AGAP1: variants seen among roughly 807,000 people sequenced by gnomAD.
AGAP1 encodes ArfGAP with GTPase domain, ankyrin repeat and PH domain 1.
AGAP1 carries 29 observed loss-of-function variants against 105.3 expected under a neutral mutation model. The observed-to-expected ratio is 0.28, with a 90% CI of 0.21 to 0.38. The LOEUF (loss-of-function observed/expected upper bound fraction) is 0.38, where lower values mean the gene tolerates loss of function less well. AGAP1 is among the 10% of genes least tolerant of loss of function. The pLI, the probability that AGAP1 is intolerant of heterozygous loss-of-function variation, is 1.00. For missense variants in AGAP1, 998 were observed against 1,165.1 expected (o/e 0.86, Z 2.09); for synonymous variants, 509 against 485.9 (o/e 1.05, Z -0.63).
chr2:235,757,978 C>T (rs1954070164), intron 6 of AGAP1, among the ~76,000 whole-genome samples: 2 of 152,214 alleles, frequency 1.3e-5, no homozygotes, highest in Admixed American at 6.5e-5. Context: ...GCTCACACCA[C>T]AGTCCTTGTG....
chr2:235,727,475 C>T (rs901734520), intron 3 of AGAP1, among the ~76,000 whole-genome samples: 1 of 152,194 alleles, frequency 6.6e-6, no homozygotes, highest in Non-Finnish European at 1.5e-5. Context: ...CCAAAGCTAC[C>T]TCTGGTAAGT....
intron 9 of AGAP1, among the ~76,000 whole-genome samples, chr2:235,820,065 A>G (rs1466834312): frequency 6.6e-6 from 1 of 151,902 alleles, no homozygotes; most frequent in Admixed American, 6.6e-5. Flanking sequence ...CACCATGCCC[A>G]GCTAATTTTC....
intron 16 of AGAP1, among the ~76,000 whole-genome samples, chr2:236,112,743 A>G (rs540923978): frequency 6.6e-6 from 1 of 152,214 alleles, no homozygotes; most frequent in Non-Finnish European, 1.5e-5. Flanking sequence ...CCGCTCTCTC[A>G]GTCTGGTCCC....
chr2:235,746,213 G>C (rs1952919922), intron 5 of AGAP1, among the ~76,000 whole-genome samples: 1 of 151,578 alleles, frequency 6.6e-6, no homozygotes, highest in South Asian at 2.1e-4. Context: ...TGAATCTGGG[G>C]AGATGGAGGT....
rs1315932501 is a variant in AGAP1, at chr2:235,719,243, G to A, written c.310+1599G>A. Among the ~76,000 whole-genome samples, 2 of 152,202 alleles carry A rather than the reference G, an allele frequency of 1.3e-5. No individual in the cohort carries two copies. The highest frequency in any genetic ancestry group is 1.5e-5 in the Non-Finnish European group (1 of 68,034). ...GGGTTCAGGTGTCTGGTGGGGCAGC[G>A]CTGGAGGCCCTGGGTTTCTGGAGTA... On this transcript the variant is annotated intron_variant, in intron 3 of 17. Coordinates refer to ENST00000304032, the MANE Select transcript of AGAP1 (RefSeq NM_001037131.3). The surrounding 1 kb of genome is among the most constrained non-coding windows in gnomAD (Gnocchi z 4.9).
At position 235,812,228 on chromosome 2, in the gene AGAP1, G is replaced by T. The variant is rs74560066; in HGVS notation, c.1050+4897G>T. ...CTGATGTCATGGCCACCTCCAGGGA[G>T]TCAGCTGTGAGAGCAGTCATTTCCC... On this transcript the variant is annotated intron_variant, in intron 9 of 17. Transcript: ENST00000304032. Among the ~76,000 whole-genome samples the T allele has an allele frequency of 1.6e-3, 239 of 152,236 alleles. 4 individuals carry two copies. In the East Asian group the frequency reaches 0.043, roughly 27 times the overall value.
rs1010327495 is a variant in AGAP1 at position 235,701,430 on chromosome 2, C to T, written c.164-7749C>T. ...GGTGGCATCTTGGTGGCCAGGTGTT[C>T]GTCACCCTGCACTGAGAGGGCCTGG... On this transcript the variant is annotated intron_variant, in intron 1 of 17. Transcript: ENST00000304032. The surrounding 1 kb of genome is among the most constrained non-coding windows in gnomAD (Gnocchi z 4.1). 1.3e-5 allele frequency among the ~76,000 whole-genome samples: 2 copies of T among 152,004 alleles called. No individual in the cohort carries two copies. Among genetic ancestry groups the T allele is most frequent in the East Asian group, 1.9e-4 (1 of 5,186 alleles).
At chr2:235,707,241 C>T (rs1178956416) in intron 1 of AGAP1, among the ~76,000 whole-genome samples, 1 of 152,206 alleles carries the variant, frequency 6.6e-6, no homozygotes, top group African/African-American at 2.4e-5. Flanking sequence ...TCCTGAGCTC[C>T]TGCAGATGGG....
Position 235,744,241 on chromosome 2 carries a change from G to A in AGAP1, c.397-457G>A, listed in dbSNP as rs1237332358. ...GGTAGCGAGTGGGAAGGACTGAGGG[G>A]TGGGGAGGTTCTGAGCAGGCATGAG... On this transcript the variant is annotated intron_variant, in intron 4 of 17. Transcript: ENST00000304032. The surrounding 1 kb of genome is among the most constrained non-coding windows in gnomAD (Gnocchi z 5.2). Among the ~76,000 whole-genome samples the A allele has an allele frequency of 1.3e-5, 2 of 152,276 alleles. No individual in the cohort carries two copies. Among genetic ancestry groups the A allele is most frequent in the South Asian group, 4.1e-4 (2 of 4,826 alleles).
chr2:235,598,387 G>C (rs1426093782), intron 1 of AGAP1, among the ~76,000 whole-genome samples: 3 of 152,114 alleles, frequency 2.0e-5, no homozygotes, highest in Non-Finnish European at 4.4e-5. Flanking sequence ...TATTAGAAGG[G>C]CTTTGGTCTT....
rs966814101 is a variant in AGAP1, at chr2:235,842,411, A to G, written c.1050+35080A>G. ...TCACAGCGCATTGCCGTTGTCCCAGATAATTGAATAGGTTGTTTTCTCTGG... is the reference window on the plus strand; with the variant it reads ...TCACAGCGCATTGCCGTTGTCCCAGGTAATTGAATAGGTTGTTTTCTCTGG... On this transcript the variant is annotated intron_variant, in intron 9 of 17. Transcript: ENST00000304032. This position sits in a 1 kb window ranked among gnomAD's most constrained non-coding sequence, Gnocchi z 5.3. Among the ~76,000 whole-genome samples the G allele has an allele frequency of 6.6e-6, 1 of 152,188 alleles. No homozygotes were observed. Among genetic ancestry groups the G allele is most frequent in the African/African-American group, 2.4e-5 (1 of 41,430 alleles).
intron 16 of AGAP1, among the ~76,000 whole-genome samples, chr2:236,059,391 T>C (rs889461403): frequency 2.0e-5 from 3 of 152,200 alleles, no homozygotes; most frequent in African/African-American, 7.2e-5. Flanking sequence ...ACTCTTCAAA[T>C]CGATGTACAG....
In AGAP1 at chr2:235,965,093, A is replaced by G. The variant is rs1007635890; in HGVS notation, c.1484-3369A>G. On this transcript the variant is annotated intron_variant, in intron 12 of 17. Coordinates refer to ENST00000304032, the MANE Select transcript of AGAP1 (RefSeq NM_001037131.3). This position sits in a 1 kb window ranked among gnomAD's most constrained non-coding sequence, Gnocchi z 5.8. Reference sequence around the variant, plus strand: ...CGGGTACAGTTAACCAAGGAGGTTTACCAGATGTCCACCGTGGAAAGCAAG... The same window carrying G: ...CGGGTACAGTTAACCAAGGAGGTTTGCCAGATGTCCACCGTGGAAAGCAAG... Among the ~76,000 whole-genome samples the G allele has an allele frequency of 5.3e-5, 8 of 152,354 alleles. No homozygotes were observed. Among genetic ancestry groups the G allele is most frequent in the African/African-American group, 1.7e-4 (7 of 41,578 alleles).
At position 235,959,940 on chromosome 2, in the gene AGAP1, G is replaced by A. The variant is rs1024160258; in HGVS notation, c.1484-8522G>A. Among the ~76,000 whole-genome samples, 9 of 152,258 alleles carry A rather than the reference G, an allele frequency of 5.9e-5. No homozygotes were observed. Among genetic ancestry groups the A allele is most frequent in the Admixed American group, 2.0e-4 (3 of 15,304 alleles). ...ACACCCCACCTCTGAGTGGTCAGGC[G>A]CCACTGGTTGTCTCCTTCCAGCAAG... On this transcript the variant is annotated intron_variant, in intron 12 of 17. Transcript: ENST00000304032. The surrounding 1 kb of genome is among the most constrained non-coding windows in gnomAD (Gnocchi z 7.3).
intron 11 of AGAP1, among the ~76,000 whole-genome samples, chr2:235,915,521 A>G (rs1228827759): frequency 6.6e-6 from 1 of 152,090 alleles, no homozygotes; most frequent in Admixed American, 6.5e-5. Context: ...TTTACAAAAA[A>G]TGCAAAAATT....
chr2:235,519,225 A>G (rs1176544049), intron 1 of AGAP1, among the ~76,000 whole-genome samples: 2 of 151,948 alleles, frequency 1.3e-5, no homozygotes, highest in Admixed American at 1.3e-4. Context: ...GGCGCACACC[A>G]CCACACCTGG....
intron 13 of AGAP1, among the ~76,000 whole-genome samples, chr2:236,013,248 T>A (rs578125403): frequency 7.2e-5 from 11 of 152,344 alleles, no homozygotes; most frequent in Middle Eastern, 3.4e-3. Flanking sequence ...TTTTGTGTTG[T>A]CTCTACAAAG....
At chr2:236,098,289 A>G (rs1253378043) in intron 16 of AGAP1, among the ~76,000 whole-genome samples, 1 of 152,074 alleles carries the variant, frequency 6.6e-6, no homozygotes, top group African/African-American at 2.4e-5. Flanking sequence ...CATTTAAAAT[A>G]TTGTTGGGCC....
chr2:236,023,863 C>A (rs565392866), intron 13 of AGAP1, among the ~76,000 whole-genome samples: 1 of 152,042 alleles, frequency 6.6e-6, no homozygotes, highest in Admixed American at 6.5e-5. Context: ...CTATAGGGCA[C>A]CCTGGGAGAA....
Sources: allele counts gnomAD v4.1 joint callset (sites outside exome capture counted in the v4.1 genomes callset), GRCh38; gene constraint gnomAD v4.1.1; non-coding constraint Gnocchi (gnomAD v3.1); transcripts MANE v1.5; gene names NCBI Gene and HGNC (gene_info 2026-07-23, HGNC 2026-07-21).